Variants in PDE3B observed in about 807,000 individuals in gnomAD.
PDE3B encodes phosphodiesterase 3B.
PDE3B carries 66 observed loss-of-function variants against 116.8 expected under a neutral mutation model. The observed-to-expected ratio is 0.56, with a 90% CI of 0.46 to 0.69. The LOEUF (loss-of-function observed/expected upper bound fraction) is 0.69. Ranked by LOEUF, PDE3B falls within the 30% of genes least tolerant of loss-of-function variation. The pLI is 0.00. For missense variants in PDE3B, 1,384 were observed against 1,368.1 expected, an observed-to-expected ratio of 1.01 and a Z score of -0.18; for synonymous variants, 595 against 533.6, an observed-to-expected ratio of 1.12 and a Z score of -1.59.
intron 1 of PDE3B, chr11:14,673,920 T>G (rs1854453371): frequency 4.9e-6 from 7 of 1,424,214 alleles, no homozygotes; most frequent in Non-Finnish European, 6.9e-6. Flanking sequence ...ATTAACCGCA[T>G]ACTCCTTATT....
chr11:14,655,621 G>A (rs1359616228), intron 1 of PDE3B, among the ~76,000 whole-genome samples: 1 of 152,146 alleles, frequency 6.6e-6, no homozygotes, highest in Non-Finnish European at 1.5e-5. Flanking sequence ...AGACACAATT[G>A]TGTAACTGCT....
intron 4 of PDE3B, among the ~76,000 whole-genome samples, chr11:14,801,665 C>T (rs1858769988): frequency 6.6e-6 from 1 of 152,202 alleles, no homozygotes; most frequent in Non-Finnish European, 1.5e-5. Flanking sequence ...GAAAACTGTG[C>T]TGGGAGGTCT....
chr11:14,692,389 G>A (rs1226366764), intron 1 of PDE3B, among the ~76,000 whole-genome samples: 1 of 152,088 alleles, frequency 6.6e-6, no homozygotes, highest in Non-Finnish European at 1.5e-5. Context: ...TTTATATGAA[G>A]TATGCCTGTA....
intron 1 of PDE3B, among the ~76,000 whole-genome samples, chr11:14,709,622 G>C (rs949952862): frequency 6.6e-6 from 1 of 152,134 alleles, no homozygotes; most frequent in Non-Finnish European, 1.5e-5. Flanking sequence ...TGTGTGTTCT[G>C]GCTGGTGGTT....
chr11:14,791,648 A>C (rs1858396065), intron 4 of PDE3B, among the ~76,000 whole-genome samples: 1 of 152,132 alleles, frequency 6.6e-6, no homozygotes, highest in South Asian at 2.1e-4. Context: ...CTATTGAATT[A>C]GCCTCTTAAT....
chr11:14,879,266 G>A, the PDE3B span: 3 of 1,613,228 alleles, frequency 1.9e-6, no homozygotes, highest in Admixed American at 3.3e-5. Flanking sequence ...TTTAGGAATG[G>A]AATAACCACG....
At chr11:14,743,890 C>T (rs1482329608) in intron 1 of PDE3B, among the ~76,000 whole-genome samples, 1 of 152,200 alleles carries the variant, frequency 6.6e-6, no homozygotes, top group Non-Finnish European at 1.5e-5. Context: ...GTGGGCTGGA[C>T]CCACTGTCTA....
chr11:14,702,959 C>A (rs1346406386), intron 1 of PDE3B, among the ~76,000 whole-genome samples: 1 of 151,876 alleles, frequency 6.6e-6, no homozygotes, highest in African/African-American at 2.4e-5. Flanking sequence ...ATTTCTGCTA[C>A]CTTACTCATT....
intron 1 of PDE3B, among the ~76,000 whole-genome samples, chr11:14,679,172 C>T (rs898670528): frequency 6.6e-5 from 10 of 151,740 alleles, no homozygotes; most frequent in African/African-American, 2.4e-4. Flanking sequence ...TAGTGTGAAT[C>T]TTCTTATCTT....
At chr11:14,711,661 G>A (rs933101145) in intron 1 of PDE3B, among the ~76,000 whole-genome samples, 1 of 152,076 alleles carries the variant, frequency 6.6e-6, no homozygotes, top group Non-Finnish European at 1.5e-5. Flanking sequence ...AAGCCATGAG[G>A]AACCCGCCCC....
rs562875048 is a variant in PDE3B at position 14,703,739 on chromosome 11, T to C, written c.978+58686T>C. ...TAATATTAGTTGTTCCTTAAATGCT[T>C]GGTTGAACTACCCAGTTTAGGCCCG... On this transcript the variant is annotated intron_variant, in intron 1 of 15. Transcript: ENST00000282096. Among the ~76,000 whole-genome samples the C allele has an allele frequency of 6.6e-5, 10 of 151,800 alleles. No homozygotes were observed. The South Asian group carries it at 2.1e-3, about 31-fold the overall frequency.
chr11:14,721,096 C>T (rs1182103119), intron 1 of PDE3B, among the ~76,000 whole-genome samples: 2 of 147,186 alleles, frequency 1.4e-5, no homozygotes, highest in African/African-American at 5.0e-5. Context: ...CAAACAACCC[C>T]ATCAAAAAGT....
At chr11:14,777,773 G>C (rs1472294465) in intron 2 of PDE3B, among the ~76,000 whole-genome samples, 1 of 152,150 alleles carries the variant, frequency 6.6e-6, no homozygotes, top group Admixed American at 6.5e-5. Context: ...TGAGGTACTG[G>C]GTTCATCTCT....
intron 1 of PDE3B, among the ~76,000 whole-genome samples, chr11:14,675,108 T>C (rs1252310426): frequency 6.6e-6 from 1 of 152,182 alleles, no homozygotes; most frequent in Non-Finnish European, 1.5e-5. Context: ...ATTAGGTTGA[T>C]ATAATTCTTC....
the PDE3B span, among the ~76,000 whole-genome samples, chr11:14,878,583 G>C: frequency 1.3e-5 from 2 of 152,064 alleles, no homozygotes; most frequent in African/African-American, 4.8e-5. Flanking sequence ...TGCCACAAAA[G>C]ATCTAATTTG....
intron 1 of PDE3B, among the ~76,000 whole-genome samples, chr11:14,718,677 T>A (rs1179762249): frequency 2.7e-5 from 4 of 150,152 alleles, no homozygotes; most frequent in Admixed American, 2.7e-4. Context: ...GACTACTGGG[T>A]ACATAATGAA....
chr11:14,882,390 A>G, the PDE3B span, among the ~76,000 whole-genome samples: 1 of 152,146 alleles, frequency 6.6e-6, no homozygotes, highest in African/African-American at 2.4e-5. Flanking sequence ...ATACCTGAGG[A>G]AAGACCACTG....
the PDE3B span, among the ~76,000 whole-genome samples, chr11:14,878,516 G>T: frequency 6.6e-6 from 1 of 152,070 alleles, no homozygotes; most frequent in Non-Finnish European, 1.5e-5. Context: ...ACGGACTTTT[G>T]TAAGACTTTA....
intron 12 of PDE3B, among the ~76,000 whole-genome samples, chr11:14,852,287 C>T (rs751485175): frequency 1.1e-4 from 16 of 152,078 alleles, no homozygotes; most frequent in Non-Finnish European, 1.6e-4. Context: ...AACTACTGAC[C>T]TCATGTGATC....
Sources: allele counts gnomAD v4.1 joint callset (sites outside exome capture counted in the v4.1 genomes callset), GRCh38; gene constraint gnomAD v4.1.1; transcripts MANE v1.5; gene names NCBI Gene and HGNC (gene_info 2026-07-23, HGNC 2026-07-21).